KSR2: variants seen among roughly 807,000 people sequenced by gnomAD.
KSR2 encodes kinase suppressor of ras 2.
KSR2 carries 25 observed loss-of-function variants against 107.8 expected under a neutral mutation model. The observed-to-expected ratio is 0.23, with a 90% CI of 0.17 to 0.32. The LOEUF (loss-of-function observed/expected upper bound fraction) is 0.32, where lower values mean the gene tolerates loss of function less well. Ranked by LOEUF, KSR2 falls within the 10% of genes least tolerant of loss-of-function variation. The pLI, the probability that KSR2 is intolerant of heterozygous loss-of-function variation, is 1.00. For missense variants in KSR2, 887 were observed against 1,268.9 expected (o/e 0.70, Z 4.57); for synonymous variants, 480 against 507.0 (o/e 0.95, Z 0.71).
intron 4 of KSR2, among the ~76,000 whole-genome samples, chr12:117,683,941 G>C (rs993670707): frequency 2.6e-5 from 4 of 152,214 alleles, no homozygotes; most frequent in Admixed American, 6.5e-5. Flanking sequence ...GTATGACCAT[G>C]TTCCGATAAA....
rs1410195580 is a variant in KSR2 at position 117,635,628 on chromosome 12, T to A, written c.1171+31846A>T. 1.3e-5 allele frequency among the ~76,000 whole-genome samples: 2 copies of A among 152,148 alleles called. 1 individual carries two copies. The highest frequency in any genetic ancestry group is 2.9e-5 in the Non-Finnish European group (2 of 68,026). Reference sequence around the variant, plus strand: ...AAATATAATTTTTTAATGAGATAAATATTTTTAATCAAGGTTTACATTTTG... The same window carrying A: ...AAATATAATTTTTTAATGAGATAAAAATTTTTAATCAAGGTTTACATTTTG... On this transcript the variant is annotated intron_variant, in intron 5 of 19. Coordinates refer to ENST00000339824, the MANE Select transcript of KSR2 (RefSeq NM_173598.6).
chr12:117,861,428 G>C (rs1457390148), intron 1 of KSR2, among the ~76,000 whole-genome samples: 1 of 111,080 alleles, frequency 9.0e-6, no homozygotes, highest in Non-Finnish European at 1.6e-5. Flanking sequence ...TCACTCTGTC[G>C]CCCAGGCTGG....
chr12:117,715,001 A>AT (rs1290804792), intron 4 of KSR2, among the ~76,000 whole-genome samples: 1 of 151,380 alleles, frequency 6.6e-6, no homozygotes, highest in African/African-American at 2.4e-5. Flanking sequence ...ATGCTCTGAT[A>AT]TTTTTTTCAG....
At position 117,670,341 on chromosome 12, in the gene KSR2, G is replaced by A. The variant is rs555295018; in HGVS notation, c.987-2683C>T. On this transcript the variant is annotated intron_variant, in intron 4 of 19. Transcript: ENST00000339824. ...ATGTATGACCTCACTTAAGCGCCATGGTAACCTTAGGTGGGAGATGCTGTT... is the reference window on the plus strand; with the variant it reads ...ATGTATGACCTCACTTAAGCGCCATAGTAACCTTAGGTGGGAGATGCTGTT... 5.4e-4 allele frequency among the ~76,000 whole-genome samples: 82 copies of A among 152,280 alleles called. 1 individual carries two copies. Among genetic ancestry groups the A allele is most frequent in the African/African-American group, 1.9e-3 (80 of 41,556 alleles).
At chr12:117,796,691 T>C (rs1416472785) in intron 3 of KSR2, among the ~76,000 whole-genome samples, 3 of 152,122 alleles carry the variant, frequency 2.0e-5, no homozygotes, top group Non-Finnish European at 2.9e-5. Context: ...GAGGGGATGA[T>C]AAACGTGCCA....
chr12:117,792,936 GCA>G (rs1890313798), intron 3 of KSR2, among the ~76,000 whole-genome samples: 2 of 146,496 alleles, frequency 1.4e-5, no homozygotes, highest in South Asian at 2.2e-4. Flanking sequence ...ACACCAACAT[GCA>G]CACACGCTCA....
At chr12:117,879,577 T>A (rs1055702952) in intron 1 of KSR2, among the ~76,000 whole-genome samples, 1 of 152,136 alleles carries the variant, frequency 6.6e-6, no homozygotes, top group African/African-American at 2.4e-5. Flanking sequence ...ATTAGCCAGG[T>A]GTGGTGGCAC....
intron 3 of KSR2, among the ~76,000 whole-genome samples, chr12:117,772,314 G>A (rs1196113038): frequency 4.6e-5 from 4 of 86,068 alleles, no homozygotes; most frequent in Non-Finnish European, 6.8e-5. Context: ...CCCCAAAGAC[G>A]CACAAACACA....
chr12:117,613,801 C>T (rs890576873), intron 5 of KSR2, among the ~76,000 whole-genome samples: 2 of 152,182 alleles, frequency 1.3e-5, no homozygotes, highest in Non-Finnish European at 2.9e-5. Flanking sequence ...CTCTTTGTGG[C>T]TCACAGTGAA....
chr12:117,839,405 C>G (rs1036114657), intron 3 of KSR2, among the ~76,000 whole-genome samples: 18 of 152,316 alleles, frequency 1.2e-4, no homozygotes, highest in African/African-American at 4.3e-4. Flanking sequence ...CCATGGTTCA[C>G]CCCTCTGTGC....
chr12:117,753,046 C>G (rs1888662905), intron 4 of KSR2, among the ~76,000 whole-genome samples: 1 of 152,198 alleles, frequency 6.6e-6, no homozygotes, highest in African/African-American at 2.4e-5. Flanking sequence ...GTTTACCTTT[C>G]TAAGTATGGC....
intron 1 of KSR2, 92 bp from the exon 2 acceptor site, chr12:117,860,523 A>C: frequency 3.3e-6 from 4 of 1,206,728 alleles, no homozygotes; most frequent in Non-Finnish European, 3.4e-6. Context: ...CCCACCCTAA[A>C]CCCAGCCAAC....
intron 1 of KSR2, among the ~76,000 whole-genome samples, chr12:117,869,431 G>A (rs929438886): frequency 3.1e-4 from 47 of 152,154 alleles, no homozygotes; most frequent in Admixed American, 2.4e-3. Context: ...CCCTTTGACC[G>A]CTCCCACGAA....
chr12:117,490,642 T>G (rs935110420), intron 14 of KSR2, among the ~76,000 whole-genome samples: 1 of 152,198 alleles, frequency 6.6e-6, no homozygotes, highest in African/African-American at 2.4e-5. Context: ...GTGATCCTCC[T>G]GTCTCAGTCT....
intron 5 of KSR2, among the ~76,000 whole-genome samples, chr12:117,617,024 T>C (rs1881925293): frequency 6.6e-6 from 1 of 152,222 alleles, no homozygotes; most frequent in Admixed American, 6.5e-5. Context: ...AAGATGTTTG[T>C]GGATGTGGTT....
intron 3 of KSR2, among the ~76,000 whole-genome samples, chr12:117,770,737 G>A (rs1182320538): frequency 6.6e-6 from 1 of 151,762 alleles, no homozygotes; most frequent in African/African-American, 2.4e-5. Context: ...AGAGGCCGAG[G>A]CAGGCAGATC....
chr12:117,600,798 T>C (rs1263095180), intron 5 of KSR2, among the ~76,000 whole-genome samples: 2 of 152,184 alleles, frequency 1.3e-5, no homozygotes, highest in Non-Finnish European at 2.9e-5. Flanking sequence ...TCTGTGAGCT[T>C]CTTTCATCCC....
chr12:117,654,256 T>C (rs761855483), intron 5 of KSR2, among the ~76,000 whole-genome samples: 1 of 152,176 alleles, frequency 6.6e-6, no homozygotes, highest in Non-Finnish European at 1.5e-5. Flanking sequence ...AAGTGGCATA[T>C]ACGGGATTGG....
chr12:117,808,194 G>A (rs1177117867), intron 3 of KSR2, among the ~76,000 whole-genome samples: 1 of 152,136 alleles, frequency 6.6e-6, no homozygotes, highest in Non-Finnish European at 1.5e-5. Context: ...GGATTATAAT[G>A]AGTCTAGATG....
Sources: gnomAD v4.1 joint callset for allele counts (sites outside exome capture counted in the v4.1 genomes callset) on GRCh38, gnomAD v4.1.1 for gene constraint, MANE v1.5 for transcripts, NCBI Gene and HGNC (gene_info 2026-07-23, HGNC 2026-07-21) for gene names.